The following MAGI1 variants were observed in gnomAD, a reference collection of about 807,000 sequenced individuals.
The protein encoded by MAGI1 is membrane associated guanylate kinase, WW and PDZ domain containing 1.
In MAGI1, 58 loss-of-function variants were observed where a neutral mutation model predicts 139.9. The ratio of observed to expected loss-of-function variants is 0.41; its 90% CI spans 0.34 to 0.52. MAGI1 has a LOEUF of 0.52. Among genes scored for constraint, MAGI1 ranks in the 20% least tolerant of loss-of-function variants. MAGI1 has a pLI of 0.12. For missense variants in MAGI1, 1,874 were observed against 1,901.6 expected (o/e 0.99, Z 0.27); for synonymous variants, 812 against 737.9 (o/e 1.10, Z -1.63).
Position 65,356,901 on chromosome 3 carries a change from G to A in MAGI1, c.3866C>T (p.Pro1289Leu). ...HHTWNGTSRK[P>L]DSGACRPKDR... ...CTTGGGTCGGCATGCCCCGCTGTCG[G>A]GTTTCCTCGAAGTCCCATTCCAGGT... The change falls in exon 23 of 23, where the codon CCC (proline) becomes CTC (leucine). Residue 1289 changes from proline (P) to leucine (L), a missense_variant. Around this residue, in one of 5 missense-constraint regions of MAGI1, gnomAD observed 653 missense variants for 644.5 expected, o/e 1.01. Coordinates refer to ENST00000402939, the MANE Select transcript of MAGI1 (RefSeq NM_001033057.2). 6.2e-7 allele frequency: 1 copy of A among 1,614,156 alleles called. No individual in the cohort carries two copies. Among genetic ancestry groups the A allele is most frequent in the Non-Finnish European group, 8.5e-7 (1 of 1,179,994 alleles).
intron 3 of MAGI1, among the ~76,000 whole-genome samples, chr3:65,485,393 A>G (rs1450731037): frequency 6.6e-6 from 1 of 152,216 alleles, no homozygotes; most frequent in Non-Finnish European, 1.5e-5. Context: ...ACAGGAGAAC[A>G]TAAGAGTTTT....
intron 21 of MAGI1, among the ~76,000 whole-genome samples, chr3:65,361,551 G>T (rs1055312025): frequency 2.6e-5 from 4 of 152,068 alleles, no homozygotes; most frequent in Non-Finnish European, 4.4e-5. Flanking sequence ...ATGAGAAAGG[G>T]GGGAAAAAAA....
At chr3:65,981,543 C>T (rs531905406) in intron 1 of MAGI1, among the ~76,000 whole-genome samples, 1 of 152,104 alleles carries the variant, frequency 6.6e-6, no homozygotes, top group African/African-American at 2.4e-5. Flanking sequence ...ATATGAGAGA[C>T]TGTATTAGAT....
intron 1 of MAGI1, among the ~76,000 whole-genome samples, chr3:65,950,058 AC>A (rs1560045389): frequency 9.2e-4 from 61 of 66,224 alleles, no homozygotes; most frequent in South Asian, 2.1e-3. Context: ...AAAAAAAAAA[AC>A]AAAAAAACAA....
rs1480245392 is a variant in MAGI1 at position 65,512,978 on chromosome 3, C to G, written c.431-19347G>C. ...CCACCATGATCAAGTGGGCTTCATC[C>G]CTGGGATGCAAGGCTGGTTCAATAT... is the stretch of plus-strand genomic sequence containing the variant. On this transcript the variant is annotated intron_variant, in intron 2 of 22. Coordinates refer to ENST00000402939, the MANE Select transcript of MAGI1 (RefSeq NM_001033057.2). Among the ~76,000 whole-genome samples, 322 of 127,180 alleles carry G rather than the reference C, an allele frequency of 2.5e-3. 1 individual carries two copies. Among genetic ancestry groups the G allele is most frequent in the African/African-American group, 9.1e-3 (304 of 33,454 alleles). 83.4% of individuals were successfully genotyped at this position (127,180 alleles called of 152,430 possible). A position where few individuals can be genotyped will look rare whatever the true frequency, so the allele number is the denominator to read the frequency against.
intron 1 of MAGI1, among the ~76,000 whole-genome samples, chr3:65,997,458 C>G (rs1477353461): frequency 1.3e-5 from 2 of 152,042 alleles, no homozygotes. Context: ...AGATCAAGAC[C>G]TTCCTGGCCA....
At chr3:65,802,960 T>A (rs1356468034) in intron 1 of MAGI1, among the ~76,000 whole-genome samples, 1 of 151,768 alleles carries the variant, frequency 6.6e-6, no homozygotes, top group Non-Finnish European at 1.5e-5. Flanking sequence ...CAACATTTTC[T>A]ACTGATAAAG....
chr3:65,917,631 G>C (rs1462754400), intron 1 of MAGI1, among the ~76,000 whole-genome samples: 1 of 152,192 alleles, frequency 6.6e-6, no homozygotes, highest in Non-Finnish European at 1.5e-5. Context: ...ATCAAGCCAT[G>C]AAAACACATG....
At chr3:65,844,455 T>A (rs1262092236) in intron 1 of MAGI1, 4 of 340,480 alleles carry the variant, frequency 1.2e-5, no homozygotes, top group Non-Finnish European at 2.2e-5. Flanking sequence ...AAATTTGGCA[T>A]AAAATAAATC....
chr3:65,948,049 G>A (rs879343017), intron 1 of MAGI1, among the ~76,000 whole-genome samples: 6 of 143,506 alleles, frequency 4.2e-5, no homozygotes, highest in Non-Finnish European at 7.5e-5. Flanking sequence ...TCAAGCGATT[G>A]TCCTGCCTCA....
At chr3:65,869,128 G>C (rs557781053) in intron 1 of MAGI1, among the ~76,000 whole-genome samples, 1 of 149,166 alleles carries the variant, frequency 6.7e-6, no homozygotes, top group African/African-American at 2.5e-5. Context: ...GGTGGCAGGC[G>C]CCTGTAGTCC....
At chr3:65,763,566 T>C (rs749135614) in intron 1 of MAGI1, among the ~76,000 whole-genome samples, 8 of 151,978 alleles carry the variant, frequency 5.3e-5, no homozygotes, top group Non-Finnish European at 7.4e-5. Flanking sequence ...CCCAGAAAAC[T>C]GAGGCATAAA....
intron 2 of MAGI1, among the ~76,000 whole-genome samples, chr3:65,543,985 C>T (rs1253009388): frequency 6.6e-6 from 1 of 151,860 alleles, no homozygotes; most frequent in Non-Finnish European, 1.5e-5. Context: ...TGAAAGAACA[C>T]CTTTCTATTC....
chr3:65,794,594 G>C (rs907400907), intron 1 of MAGI1, among the ~76,000 whole-genome samples: 1 of 152,016 alleles, frequency 6.6e-6, no homozygotes, highest in African/African-American at 2.4e-5. Context: ...TTCTGGCCTA[G>C]CCAATGTCAG....
chr3:65,954,662 CCT>C (rs2064028342), intron 1 of MAGI1: 1 of 152,126 alleles, frequency 6.6e-6, no homozygotes, highest in African/African-American at 2.4e-5. Flanking sequence ...CGACAGAGGA[CCT>C]CGACTCTGGA....
At chr3:65,862,303 T>C (rs941998765) in intron 1 of MAGI1, among the ~76,000 whole-genome samples, 3 of 152,194 alleles carry the variant, frequency 2.0e-5, no homozygotes, top group Non-Finnish European at 4.4e-5. Flanking sequence ...TATTCTCATA[T>C]GGTTGATGTG....
intron 1 of MAGI1, among the ~76,000 whole-genome samples, chr3:65,700,384 G>T (rs2089512812): frequency 6.6e-6 from 1 of 152,030 alleles, no homozygotes; most frequent in Non-Finnish European, 1.5e-5. Context: ...GGAGGCGGAG[G>T]TCACAATGAG....
At chr3:65,361,548 A>AG (rs1188392191) in intron 21 of MAGI1, among the ~76,000 whole-genome samples, 2 of 152,166 alleles carry the variant, frequency 1.3e-5, no homozygotes, top group Admixed American at 6.5e-5. Context: ...CACATGAGAA[A>AG]GGGGGGAAAA....
chr3:65,500,588 A>G (rs780649975), intron 2 of MAGI1, among the ~76,000 whole-genome samples: 6 of 152,226 alleles, frequency 3.9e-5, no homozygotes, highest in Non-Finnish European at 8.8e-5. Flanking sequence ...TATTCTAGAC[A>G]TTCTCTTGAA....
Sources: gnomAD v4.1 joint callset for allele counts (sites outside exome capture counted in the v4.1 genomes callset) on GRCh38, gnomAD v4.1.1 for gene constraint, gnomAD v4.1.1 regional missense constraint, MANE v1.5 for transcripts, NCBI Gene and HGNC (gene_info 2026-07-23, HGNC 2026-07-21) for gene names.